FLT1: variants seen among roughly 807,000 people sequenced by gnomAD.
The protein encoded by FLT1 is vascular endothelial growth factor receptor 1.
FLT1 carries 49 observed loss-of-function variants against 156.3 expected under a neutral mutation model. The ratio of observed to expected loss-of-function variants is 0.31; its 90% CI spans 0.25 to 0.40. The LOEUF (loss-of-function observed/expected upper bound fraction) is 0.40. Among genes scored for constraint, FLT1 ranks in the 10% least tolerant of loss-of-function variants. The probability of loss-of-function intolerance (pLI) is 1.00; values close to 1 mark genes in which losing one functional copy is unlikely to be tolerated. For missense variants in FLT1, 1,322 were observed against 1,637.2 expected (o/e 0.81, Z 3.32); for synonymous variants, 594 against 583.8 (o/e 1.02, Z -0.25).
At chr13:28,328,644 C>G (rs1386675134) in intron 19 of FLT1, among the ~76,000 whole-genome samples, 2 of 152,230 alleles carry the variant, frequency 1.3e-5, no homozygotes, top group African/African-American at 4.8e-5. Flanking sequence ...AAGTTGCTTC[C>G]AGAGTTTTTT....
At position 28,405,851 on chromosome 13, in the gene FLT1, C is replaced by T. The variant is rs749563950; in HGVS notation, c.1480G>A (p.Ala494Thr). ...ATTCTGTTTCCCATGTTGCTGTCAG[C>T]ATCCAGGATAAAGGACTCTTCATTA... is the stretch of plus-strand genomic sequence containing the variant. ...SNNEESFILD[A>T]DSNMGNRIES... Residue 494 changes from alanine to threonine, a missense_variant, in exon 11 of 30, where the codon GCT (alanine) becomes ACT (threonine). Ala to Thr is a moderately conservative substitution (Grantham distance 58). This residue lies in a region of FLT1 where 991 missense variants were observed against 1,254.8 expected (regional missense o/e 0.79). Coordinates refer to ENST00000282397, the MANE Select transcript of FLT1 (RefSeq NM_002019.4). 2.5e-6 allele frequency: 4 copies of T among 1,610,130 alleles called. No homozygotes were observed. In the South Asian group the frequency reaches 4.4e-5, roughly 18 times the overall value.
At chr13:28,378,347 G>A (rs921335854) in intron 14 of FLT1, among the ~76,000 whole-genome samples, 2 of 152,212 alleles carry the variant, frequency 1.3e-5, no homozygotes, top group Non-Finnish European at 2.9e-5. Flanking sequence ...GTGCCTGACC[G>A]AGACTTAATC....
intron 14 of FLT1, among the ~76,000 whole-genome samples, chr13:28,367,477 A>G (rs1873343116): frequency 6.6e-6 from 1 of 152,188 alleles, no homozygotes; most frequent in African/African-American, 2.4e-5. Flanking sequence ...CCAACTGTCA[A>G]TTTTAAAGGT....
At chr13:28,330,479 T>A (rs1871880138) in intron 18 of FLT1, among the ~76,000 whole-genome samples, 1 of 151,438 alleles carries the variant, frequency 6.6e-6, no homozygotes, top group Admixed American at 6.6e-5. Flanking sequence ...ATGTTCTAGA[T>A]AAAAAGCAAA....
rs553988166 is a variant in FLT1 at position 28,402,766 on chromosome 13, T to TTTACG, written c.1551+3009_1551+3013dup. ...TTCTCATTATGTTATGTTATGTTAC[T>TTTACG]TTACGTTACGTTACGTTATGTTATT... On this transcript the variant is annotated intron_variant, in intron 11 of 29. Coordinates refer to ENST00000282397, the MANE Select transcript of FLT1 (RefSeq NM_002019.4). Among the ~76,000 whole-genome samples, 41 of 152,306 alleles carry TTTACG rather than the reference T, an allele frequency of 2.7e-4. No individual in the cohort carries two copies. In the East Asian group the frequency reaches 3.7e-3, roughly 14 times the overall value.
At position 28,357,545 on chromosome 13, in the gene FLT1, G is replaced by A; in HGVS notation, c.2248+9C>T. The A allele has an allele frequency of 6.2e-7, 1 of 1,614,012 alleles. No individual in the cohort carries two copies. Among genetic ancestry groups the A allele is most frequent in the Admixed American group, 1.7e-5 (1 of 60,028 alleles). ...CAATTTCTTGTTGCTTTCTTAAGCAGCTGTTTACCTTGAACAGTGAGGTAT... is the reference window on the plus strand; with the variant it reads ...CAATTTCTTGTTGCTTTCTTAAGCAACTGTTTACCTTGAACAGTGAGGTAT... On this transcript the variant is annotated intron_variant, in intron 15 of 29. Transcript: ENST00000282397.
At position 28,439,401 on chromosome 13, in the gene FLT1, G is replaced by A. The variant is rs1251291421; in HGVS notation, c.389-1056C>T. 2.0e-5 allele frequency among the ~76,000 whole-genome samples: 3 copies of A among 152,164 alleles called. No individual in the cohort carries two copies. The highest frequency in any genetic ancestry group is 2.1e-4 in the South Asian group (1 of 4,834). ...GTCCTGCCTCAGGTTTGTGGATTAC[G>A]AAGCTAATTCAGGATGCTGAATGGA... On this transcript the variant is annotated intron_variant, in intron 3 of 29. Coordinates refer to ENST00000282397, the MANE Select transcript of FLT1 (RefSeq NM_002019.4). The surrounding 1 kb of genome is among the most constrained non-coding windows in gnomAD (Gnocchi z 4.1).
intron 1 of FLT1, among the ~76,000 whole-genome samples, chr13:28,484,622 G>T (rs1881045559): frequency 6.6e-6 from 1 of 152,180 alleles, no homozygotes; most frequent in South Asian, 2.1e-4. Flanking sequence ...CTTTAAGCTG[G>T]AGTAGCAGTG....
chr13:28,377,528 T>C (rs1250852366), intron 14 of FLT1, among the ~76,000 whole-genome samples: 1 of 152,240 alleles, frequency 6.6e-6, no homozygotes, highest in Non-Finnish European at 1.5e-5. Flanking sequence ...GGTTGTTGCT[T>C]GAAGAAGCGT....
chr13:28,469,935 G>A (rs1465317112), intron 1 of FLT1, among the ~76,000 whole-genome samples: 3 of 151,974 alleles, frequency 2.0e-5, no homozygotes, highest in African/African-American at 7.3e-5. Context: ...TGTATTTTTA[G>A]TAGAGATGGG....
At chr13:28,473,729 A>AGAAGGAAGGAAGGAAG (rs1157781404) in intron 1 of FLT1, among the ~76,000 whole-genome samples, 2 of 84,256 alleles carry the variant, frequency 2.4e-5, no homozygotes, top group Admixed American at 1.5e-4. Flanking sequence ...AAAGAAAGAA[A>AGAAGGAAGGAAGGAAG]GAAGGAAGGA....
intron 1 of FLT1, among the ~76,000 whole-genome samples, chr13:28,472,821 G>A (rs1386272260): frequency 6.6e-6 from 1 of 152,134 alleles, no homozygotes; most frequent in African/African-American, 2.4e-5. Flanking sequence ...ATCCTTTCCA[G>A]CTAAAAATTC....
intron 1 of FLT1, among the ~76,000 whole-genome samples, chr13:28,477,574 A>G (rs1880616882): frequency 6.6e-6 from 1 of 152,190 alleles, no homozygotes; most frequent in South Asian, 2.1e-4. Context: ...AGTCTGGTAG[A>G]CCTTCGTCTG....
rs531962714 is a variant in FLT1 at position 28,469,587 on chromosome 13, G to T, written c.65-1970C>A. Reference sequence around the variant, plus strand: ...GTGCTGTGGAAGAGGCTGGCTTGCTGCCTGGCACGTGGCAGATGCCCACTA... The same window carrying T: ...GTGCTGTGGAAGAGGCTGGCTTGCTTCCTGGCACGTGGCAGATGCCCACTA... On this transcript the variant is annotated intron_variant, in intron 1 of 29. Coordinates refer to ENST00000282397, the MANE Select transcript of FLT1 (RefSeq NM_002019.4). Among the ~76,000 whole-genome samples, 18 of 152,324 alleles carry T rather than the reference G, an allele frequency of 1.2e-4. No homozygotes were observed. In the South Asian group the frequency reaches 3.3e-3, roughly 28 times the overall value.
chr13:28,372,476 T>C (rs1484459129), intron 14 of FLT1, among the ~76,000 whole-genome samples: 1 of 150,380 alleles, frequency 6.6e-6, no homozygotes, highest in Non-Finnish European at 1.5e-5. Flanking sequence ...ACAGTTAATA[T>C]GTATTACCTC....
rs138828478 is a variant in FLT1 at position 28,427,723 on chromosome 13, C to T, written c.1276+29G>A. ...TTCACTAATTTGTTGCCTACCAGAA[C>T]CAGAAGAAAGTATGAACAGCAAACT... On this transcript the variant is annotated intron_variant, in intron 9 of 29. Coordinates refer to ENST00000282397, the MANE Select transcript of FLT1 (RefSeq NM_002019.4). The T allele has an allele frequency of 9.2e-4, 1,477 of 1,604,092 alleles. 16 individuals are homozygous for T. The African/African-American group carries it at 0.016, about 18-fold the overall frequency.
At chr13:28,362,671 A>G (rs1593709483) in intron 14 of FLT1, among the ~76,000 whole-genome samples, 1 of 152,156 alleles carries the variant, frequency 6.6e-6, no homozygotes, top group African/African-American at 2.4e-5. Context: ...CTTGGAAAAA[A>G]CAACAACAAC....
At chr13:28,384,455 A>G (rs1255332766) in intron 14 of FLT1, among the ~76,000 whole-genome samples, 8 of 151,550 alleles carry the variant, frequency 5.3e-5, no homozygotes, top group Non-Finnish European at 1.2e-4. Context: ...TCTCAAAAAA[A>G]AAAAAAAAAA....
chr13:28,305,601 T>TA (rs1367136897), intron 29 of FLT1, among the ~76,000 whole-genome samples: 1 of 152,186 alleles, frequency 6.6e-6, no homozygotes, highest in Non-Finnish European at 1.5e-5. Context: ...TTTCTGTAAA[T>TA]ACAGTGTGTG....
Sources: gnomAD v4.1 joint callset for allele counts (sites outside exome capture counted in the v4.1 genomes callset) on GRCh38, gnomAD v4.1.1 for gene constraint, gnomAD v4.1.1 regional missense constraint, Gnocchi (gnomAD v3.1) non-coding constraint, MANE v1.5 for transcripts, NCBI Gene and HGNC (gene_info 2026-07-23, HGNC 2026-07-21) for gene names.